The following CLCA4 variants were observed in gnomAD, a reference collection of about 807,000 sequenced individuals.
The protein encoded by CLCA4 is calcium-activated chloride channel regulator 4.
A neutral mutation model predicts 78.9 loss-of-function variants in CLCA4; 69 were observed. The ratio of observed to expected loss-of-function variants is 0.87; its 90% CI spans 0.72 to 1.07. The LOEUF (loss-of-function observed/expected upper bound fraction) is 1.07, where lower values mean the gene tolerates loss of function less well. Among genes scored for constraint, CLCA4 ranks in the 50% least tolerant of loss-of-function variants. The probability of loss-of-function intolerance (pLI) is 0.00; values close to 1 mark genes in which losing one functional copy is unlikely to be tolerated. For missense variants in CLCA4, 1,133 were observed against 1,095.8 expected, an observed-to-expected ratio of 1.03 and a Z score of -0.48; for synonymous variants, 362 against 375.8, an observed-to-expected ratio of 0.96 and a Z score of 0.42.
At position 86,577,921 on chromosome 1, in the gene CLCA4, T is replaced by C. The variant is rs201604183; in HGVS notation, c.1971T>C (p.Asn657=). 1.2e-6 allele frequency: 2 copies of C among 1,611,434 alleles called. No homozygotes were observed. The highest frequency in any genetic ancestry group is 8.5e-7 in the Non-Finnish European group (1 of 1,178,788). Residue 657 remains asparagine, a synonymous_variant, in exon 12 of 14, where the codon AAT becomes AAC. Transcript: ENST00000370563. ...DNGAGADSFK[N]DGVYSRYFTA... is the part of the protein sequence containing the mutation. ...AACAAGGCGCTGATTCTTTCAAGAA[T>C]GATGGAGTCTACTCCAGGTATTTTA...
intron 6 of CLCA4, among the ~76,000 whole-genome samples, chr1:86,566,424 G>A (rs2101805610): frequency 6.6e-6 from 1 of 152,152 alleles, no homozygotes; most frequent in Middle Eastern, 3.4e-3. Flanking sequence ...CCATTTCCTA[G>A]AATAAAGTTA....
chr1:86,553,474 C>G (rs1295706096), intron 1 of CLCA4: 1 of 329,150 alleles, frequency 3.0e-6, no homozygotes, highest in Non-Finnish European at 5.5e-6. Flanking sequence ...ACGATCCTGT[C>G]CGACCCGCGA....
At chr1:86,570,993 C>A (rs772458819) in intron 7 of CLCA4, 84 bp from the exon 8 acceptor site, 27 of 966,076 alleles carry the variant, frequency 2.8e-5, no homozygotes, top group Non-Finnish European at 3.7e-5. Flanking sequence ...TGTTTATTTT[C>A]TCTGTAAATT....
In CLCA4 at chr1:86,580,039, G is replaced by A. The variant is rs370703910; in HGVS notation, c.2454G>A (p.Lys818=). The A allele has an allele frequency of 6.2e-6, 10 of 1,612,674 alleles. No homozygotes were observed. In the African/African-American group the frequency reaches 1.3e-4, roughly 22 times the overall value. The change falls in exon 14 of 14, where the codon AAG becomes AAA. Residue 818 remains lysine, a synonymous_variant. Coordinates refer to ENST00000370563, the MANE Select transcript of CLCA4 (RefSeq NM_012128.4). ...TAAATACTACTGATCTGTCACCAAA[G>A]GAGGCCAACTCCAAGGAAAGCTTTG... ...LQVNTTDLSP[K]EANSKESFAF...
chr1:86,557,513 T>C (rs1441979712), intron 1 of CLCA4, among the ~76,000 whole-genome samples: 1 of 152,230 alleles, frequency 6.6e-6, no homozygotes, highest in African/African-American at 2.4e-5. Context: ...TTCCATGTAA[T>C]TGCATGGTTT....
chr1:86,563,714 T>C lies in CLCA4; in HGVS notation c.502T>C (p.Tyr168His). The change falls in exon 4 of 14, where the codon TAC (tyrosine) becomes CAC (histidine). Residue 168 changes from tyrosine (Y) to histidine (H), a missense_variant. Coordinates refer to ENST00000370563, the MANE Select transcript of CLCA4 (RefSeq NM_012128.4). ...AHLRWGVFDE[Y>H]NEDQPFYRAK... ...CCTCCGGTGGGGAGTGTTTGATGAGTACAATGAAGATCAGCCTTTCTACCG... is the reference window on the plus strand; with the variant it reads ...CCTCCGGTGGGGAGTGTTTGATGAGCACAATGAAGATCAGCCTTTCTACCG... 1 of 1,610,674 alleles carries C rather than the reference T, an allele frequency of 6.2e-7. No individual in the cohort carries two copies. The highest frequency in any genetic ancestry group is 8.5e-7 in the Non-Finnish European group (1 of 1,178,098).
At chr1:86,559,829 C>T in intron 1 of CLCA4, 103 bp from the exon 2 acceptor site, 2 of 885,804 alleles carry the variant, frequency 2.3e-6, no homozygotes, top group East Asian at 2.5e-5. Flanking sequence ...CAGTCTGTTG[C>T]TTTTCTGTCC....
chr1:86,575,114 A>AT (rs35305406), intron 10 of CLCA4, among the ~76,000 whole-genome samples: 3 of 151,986 alleles, frequency 2.0e-5, no homozygotes, highest in African/African-American at 7.2e-5. Flanking sequence ...TCTAAAACTT[A>AT]TTTTTTCCAA....
intron 1 of CLCA4, among the ~76,000 whole-genome samples, chr1:86,557,335 T>A (rs1466234559): frequency 6.6e-6 from 1 of 152,208 alleles, no homozygotes; most frequent in Non-Finnish European, 1.5e-5. Context: ...AACTTTTTGA[T>A]GTGGGTATTT....
At chr1:86,577,867 T>C in intron 11 of CLCA4, 35 bp from the exon 12 acceptor site, 4 of 1,579,318 alleles carry the variant, frequency 2.5e-6, no homozygotes, top group Non-Finnish European at 3.4e-6. Flanking sequence ...AAAATTTCTC[T>C]TTACAAGACT....
In CLCA4 at chr1:86,560,529, C is replaced by T. The variant is rs557701003; in HGVS notation, c.448+171C>T. 2.0e-5 allele frequency among the ~76,000 whole-genome samples: 3 copies of T among 152,148 alleles called. No individual in the cohort carries two copies. The East Asian group carries it at 5.8e-4, about 29-fold the overall frequency. On this transcript the variant is annotated intron_variant, in intron 3 of 13. Coordinates refer to ENST00000370563, the MANE Select transcript of CLCA4 (RefSeq NM_012128.4). ...TGACCTACTGTCTCTGTGGTTATTC[C>T]CTACAAAATGGCAAAGAGAGGAGTT...
At chr1:86,579,900 T>A in intron 13 of CLCA4, 42 bp from the exon 14 acceptor site, 1 of 1,245,304 alleles carries the variant, frequency 8.0e-7, no homozygotes, top group African/African-American at 1.5e-5. Flanking sequence ...ATGAATATGC[T>A]ATGCTGCAGT....
intron 3 of CLCA4, 81 bp downstream of exon 3, chr1:86,560,439 G>A: frequency 5.7e-6 from 8 of 1,408,418 alleles, no homozygotes; most frequent in South Asian, 1.3e-5. Context: ...CAGGCCATGG[G>A]GCCAAAGTCC....
In CLCA4 at chr1:86,580,392, T is replaced by C; in HGVS notation, c.*47T>C. On this transcript the variant is annotated 3_prime_UTR_variant, in exon 14 of 14. Transcript: ENST00000370563. ...TTCAAGTAGACCTAGAAGAGAGTTT[T>C]AAAAAACAAAACAATGTAAGTAAAG... 2.1e-6 allele frequency: 3 copies of C among 1,402,194 alleles called. No homozygotes were observed. Among genetic ancestry groups the C allele is most frequent in the Non-Finnish European group, 2.9e-6 (3 of 1,049,734 alleles). The allele number at this position is 1,402,194 out of a possible 1,614,324, so 86.9% of individuals were successfully genotyped here.
In CLCA4 at chr1:86,579,560, C is replaced by T; in HGVS notation, c.2329C>T (p.Pro777Ser). ...TAAGATTATTCTTACATGGACAGCA[C>T]CAGGAGATAATTTTGATGTTGGAAA... The part of the protein sequence containing the change: ...EDKIILTWTA[P>S]GDNFDVGKVQ... Residue 777 changes from proline (P) to serine (S), a missense_variant, in exon 13 of 14, where the codon CCA becomes TCA. Pro to Ser is a moderately conservative substitution (Grantham distance 74). Coordinates refer to ENST00000370563, the MANE Select transcript of CLCA4 (RefSeq NM_012128.4). 6.2e-7 allele frequency: 1 copy of T among 1,612,442 alleles called. No homozygotes were observed. Among genetic ancestry groups the T allele is most frequent in the Non-Finnish European group, 8.5e-7 (1 of 1,179,028 alleles).
intron 3 of CLCA4, among the ~76,000 whole-genome samples, chr1:86,563,254 A>C (rs573313965): frequency 6.6e-6 from 1 of 151,684 alleles, no homozygotes; most frequent in African/African-American, 2.4e-5. Context: ...ATAATTAAAA[A>C]TTGTTTCATA....
intron 6 of CLCA4, 149 bp from the exon 7 acceptor site, chr1:86,567,275 A>G (rs938431680): frequency 2.9e-6 from 2 of 698,608 alleles, no homozygotes; most frequent in Admixed American, 6.1e-5. Flanking sequence ...AATGTTATCA[A>G]TTAAAAATTT....
In CLCA4 at chr1:86,547,285, A is replaced by G. The variant is rs1283470523; in HGVS notation, c.159+7A>G. ...AATAATTGAACAAATAGAGGTAAGA[A>G]CAAAATGGAATATCTTTCATTAATT... On this transcript the variant is annotated splice_region_variant and intron_variant, in intron 1 of 13. Transcript: ENST00000370563. 3.2e-6 allele frequency: 5 copies of G among 1,558,412 alleles called. No homozygotes were observed. The African/African-American group carries it at 6.9e-5, about 22-fold the overall frequency.
intron 11 of CLCA4, among the ~76,000 whole-genome samples, chr1:86,576,133 C>T (rs935757894): frequency 1.3e-5 from 2 of 151,744 alleles, no homozygotes; most frequent in South Asian, 2.1e-4. Flanking sequence ...AAAATAAAAA[C>T]GTTTTTGGTT....
Sources: allele counts gnomAD v4.1 joint callset (sites outside exome capture counted in the v4.1 genomes callset), GRCh38; gene constraint gnomAD v4.1.1; transcripts MANE v1.5; gene names NCBI Gene and HGNC (gene_info 2026-07-23, HGNC 2026-07-21).